The following SPATA1 variants were observed in gnomAD, a reference collection of about 807,000 sequenced individuals.
The protein encoded by SPATA1 is spermatogenesis-associated protein 1.
SPATA1 carries 57 observed loss-of-function variants against 59.6 expected under a neutral mutation model. That is an observed-to-expected ratio of 0.96 (90% confidence interval 0.77 to 1.19). SPATA1 has a LOEUF of 1.19. Ranked by LOEUF, SPATA1 falls within the 50% of genes most tolerant of loss-of-function variation. SPATA1 has a pLI of 0.00. For missense variants in SPATA1, 448 were observed against 480.7 expected (o/e 0.93, Z 0.64); for synonymous variants, 147 against 163.9 (o/e 0.90, Z 0.79).
chr1:84,553,550 G>A (rs1684339003), exon 13 of SPATA1: 1 of 151,906 alleles, frequency 6.6e-6, no homozygotes, highest in Non-Finnish European at 1.5e-5. Context: ...AAAGAAATCT[G>A]GAAATATAAA....
At chr1:84,530,113 C>G (rs1034970066) in intron 6 of SPATA1, among the ~76,000 whole-genome samples, 2 of 152,094 alleles carry the variant, frequency 1.3e-5, no homozygotes, top group Non-Finnish European at 2.9e-5. Context: ...CCGCCTGGGA[C>G]AGGCAGTCCA....
At chr1:84,551,662 G>A (rs1684276356) in intron 12 of SPATA1, 1 of 152,222 alleles carries the variant, frequency 6.6e-6, no homozygotes, top group African/African-American at 2.4e-5. Flanking sequence ...ATAAGCCCTG[G>A]TTTGGCACTG....
At chr1:84,545,432 C>T (rs1684056499) in intron 9 of SPATA1, among the ~76,000 whole-genome samples, 1 of 151,936 alleles carries the variant, frequency 6.6e-6, no homozygotes. Flanking sequence ...TTATAAATCT[C>T]CTTATATATC....
At chr1:84,532,876 T>C (rs990667403) in exon 7 of SPATA1, 49 of 1,551,592 alleles carry the variant, frequency 3.2e-5, no homozygotes, top group Non-Finnish European at 4.0e-5. Context: ...GAAAAGCCAC[T>C]GCAGAAAAAA....
chr1:84,509,223 CAT>C (rs781149633), intron 1 of SPATA1, among the ~76,000 whole-genome samples: 15 of 135,704 alleles, frequency 1.1e-4, no homozygotes, highest in Middle Eastern at 3.8e-3. Context: ...AAAAAAAAAA[CAT>C]AGACCAGTAG....
intron 12 of SPATA1, chr1:84,552,209 G>C (rs962067569): frequency 2.2e-4 from 33 of 152,156 alleles, no homozygotes; most frequent in Admixed American, 2.1e-3. Flanking sequence ...CCCAGCCTGA[G>C]TCTCTTGCAA....
At chr1:84,532,894 T>C in exon 7 of SPATA1, 1 of 1,552,054 alleles carries the variant, frequency 6.4e-7, no homozygotes, top group Non-Finnish European at 8.7e-7. Flanking sequence ...AAAGCCAAAT[T>C]GCAAAAAATC....
chr1:84,547,857 A>G (rs1233691358), intron 10 of SPATA1, among the ~76,000 whole-genome samples: 1 of 152,172 alleles, frequency 6.6e-6, no homozygotes, highest in Non-Finnish European at 1.5e-5. Context: ...GAGGATTTTG[A>G]GCTAGGGATT....
intron 8 of SPATA1, among the ~76,000 whole-genome samples, chr1:84,543,856 T>C (rs1683991442): frequency 6.6e-6 from 1 of 152,092 alleles, no homozygotes; most frequent in South Asian, 2.1e-4. Context: ...ATAATCAAAA[T>C]TGACTCAAGA....
At chr1:84,514,189 C>T (rs1010566237) in intron 1 of SPATA1, among the ~76,000 whole-genome samples, 2 of 152,126 alleles carry the variant, frequency 1.3e-5, no homozygotes, top group Non-Finnish European at 2.9e-5. Flanking sequence ...ATGCTTGTAT[C>T]TTGAGCTCTT....
At chr1:84,527,769 G>A in intron 6 of SPATA1, 1 of 152,040 alleles carries the variant, frequency 6.6e-6, no homozygotes, top group Non-Finnish European at 1.5e-5. Context: ...TCGCTCTGTT[G>A]CCCAGGCTGG....
downstream of SPATA1, chr1:84,554,935 G>T: frequency 7.8e-7 from 1 of 1,274,888 alleles, no homozygotes; most frequent in Non-Finnish European, 1.1e-6. Flanking sequence ...TAATAAAAAT[G>T]CAAGAAACTA....
intron 12 of SPATA1, chr1:84,550,878 A>T: frequency 2.0e-6 from 2 of 984,856 alleles, no homozygotes. Context: ...TCTCCTCTGA[A>T]CTGACATTTA....
Position 84,525,203 on chromosome 1 carries a change from G to A in SPATA1, c.262-493G>A, listed in dbSNP as rs192268181. ...GCTGGCCTCGAACTCCTGACCTCAA[G>A]TAATCTGCCCAACTTGGCCTCCCGA... On this transcript the variant is annotated intron_variant, in intron 4 of 12. Transcript: ENST00000490879. 5.1e-3 allele frequency among the ~76,000 whole-genome samples: 778 copies of A among 152,296 alleles called. 3 individuals carry two copies. The highest frequency in any genetic ancestry group is 7.7e-3 in the Admixed American group (118 of 15,304).
At chr1:84,532,819 C>A in intron 6 of SPATA1, 41 bp from the exon 7 acceptor site, 2 of 1,330,530 alleles carry the variant, frequency 1.5e-6, no homozygotes, top group Non-Finnish European at 2.1e-6. Flanking sequence ...ATTTTCCTAA[C>A]ATTCTGAACT....
At chr1:84,515,220 TATAA>T (rs1682744463) in intron 1 of SPATA1, among the ~76,000 whole-genome samples, 1 of 152,144 alleles carries the variant, frequency 6.6e-6, no homozygotes, top group Non-Finnish European at 1.5e-5. Context: ...TGGATAGATA[TATAA>T]ATACTTTCTT....
Position 84,563,473 on chromosome 1 carries a change from G to A in SPATA1, n.443-2388G>A, listed in dbSNP as rs1477470520. 6.4e-6 allele frequency: 8 copies of A among 1,240,892 alleles called. No homozygotes were observed. The Admixed American group carries it at 9.3e-5, about 14-fold the overall frequency. The allele number at this position is 1,240,892 out of a possible 1,614,324, so 76.9% of individuals were successfully genotyped here. A position where few individuals can be genotyped will look rare whatever the true frequency, so the allele number is the denominator to read the frequency against. Reference sequence around the variant, plus strand: ...ATTATCAATTATGCAATTCTTAAAAGCCAAACCAAAAATATATAAATTATT... The same window carrying A: ...ATTATCAATTATGCAATTCTTAAAAACCAAACCAAAAATATATAAATTATT... On this transcript the variant is annotated intron_variant and non_coding_transcript_variant, in intron 4 of 4. Coordinates refer to the SPATA1 transcript ENST00000460286.
chr1:84,561,451 A>G (rs1406356804), intron 4 of SPATA1, among the ~76,000 whole-genome samples: 1 of 152,236 alleles, frequency 6.6e-6, no homozygotes, highest in Admixed American at 6.5e-5. Flanking sequence ...TCCTGGTAAA[A>G]TGCTGTGAAC....
At chr1:84,539,672 T>G (rs1478241855) in intron 8 of SPATA1, among the ~76,000 whole-genome samples, 1 of 152,088 alleles carries the variant, frequency 6.6e-6, no homozygotes, top group African/African-American at 2.4e-5. Context: ...TTAGTAGGAG[T>G]TTTTAATATG....
Sources: gnomAD v4.1 joint callset for allele counts (sites outside exome capture counted in the v4.1 genomes callset) on GRCh38, gnomAD v4.1.1 for gene constraint, MANE v1.5 for transcripts, NCBI Gene and HGNC (gene_info 2026-07-23, HGNC 2026-07-21) for gene names.